Variants in ABCC3 observed in about 807,000 individuals in gnomAD.
ABCC3 encodes ATP-binding cassette sub-family C member 3.
Under a neutral mutation model 165.3 loss-of-function variants are expected in ABCC3, and 121 were observed. That is an observed-to-expected ratio of 0.73 (90% confidence interval 0.63 to 0.85). ABCC3 has a LOEUF of 0.85. Among genes scored for constraint, ABCC3 ranks in the 40% least tolerant of loss-of-function variants. ABCC3 has a pLI of 0.00. For missense variants in ABCC3, 1,869 were observed against 1,964.1 expected (o/e 0.95, Z 0.92); for synonymous variants, 733 against 810.1 (o/e 0.90, Z 1.62).
At chr17:50,672,904 A>G (rs1409376045) in intron 17 of ABCC3, 67 bp from the exon 18 acceptor site, 1 of 1,448,806 alleles carries the variant, frequency 6.9e-7, no homozygotes, top group Non-Finnish European at 9.4e-7. Flanking sequence ...CCCAAATAAC[A>G]GTGGACAGGC....
rs1381689740 is a variant in ABCC3, at chr17:50,656,378, A to G, written c.223-324A>G. On this transcript the variant is annotated intron_variant, in intron 2 of 30. Coordinates refer to ENST00000285238, the MANE Select transcript of ABCC3 (RefSeq NM_003786.4). The stretch of plus-strand genomic sequence containing the variant: ...GCATGAGCCACTGTGCCCAGCCAGC[A>G]TTCTGGTTTTAATGAGGCCCTCTCC... 4.6e-5 allele frequency among the ~76,000 whole-genome samples: 7 copies of G among 152,328 alleles called. No individual in the cohort carries two copies. The South Asian group carries it at 1.4e-3, about 32-fold the overall frequency.
Position 50,673,077 on chromosome 17 carries a change from C to G in ABCC3, c.2348C>G (p.Ser783Cys). 6.2e-7 allele frequency: 1 copy of G among 1,614,134 alleles called. No homozygotes were observed. Among genetic ancestry groups the G allele is most frequent in the Non-Finnish European group, 8.5e-7 (1 of 1,180,026 alleles). Residue 783 changes from serine (S) to cysteine (C), a missense_variant, in exon 18 of 31, where the codon TCT (serine) becomes TGT (cysteine). Coordinates refer to ENST00000285238, the MANE Select transcript of ABCC3 (RefSeq NM_003786.4). ...LLDDPLSAVD[S>C]HVAKHIFDHV... Reference sequence around the variant, plus strand: ...GATGACCCACTGTCCGCGGTGGACTCTCATGTGGCCAAGCACATCTTTGAC... The same window carrying G: ...GATGACCCACTGTCCGCGGTGGACTGTCATGTGGCCAAGCACATCTTTGAC...
chr17:50,635,151 C>T (rs1489347438), intron 1 of ABCC3, 170 bp downstream of exon 1: 4 of 686,770 alleles, frequency 5.8e-6, no homozygotes, highest in Middle Eastern at 4.4e-4. Context: ...GTTGGCTGCG[C>T]CGCCCGGAGC....
In ABCC3 at chr17:50,669,129, C is replaced by G; in HGVS notation, c.1938-11C>G. 1 of 1,595,672 alleles carries G rather than the reference C, an allele frequency of 6.3e-7. No individual in the cohort carries two copies. The highest frequency in any genetic ancestry group is 8.5e-7 in the Non-Finnish European group (1 of 1,172,852). On this transcript the variant is annotated splice_polypyrimidine_tract_variant and intron_variant, in intron 15 of 30. Transcript: ENST00000285238. ...TGCCTCTAACTGGACTCCTGGGGTC[C>G]TTGCCCCCAGCCTAGACATCCAGGT...
chr17:50,644,943 G>A (rs1439815866), intron 1 of ABCC3, among the ~76,000 whole-genome samples: 4 of 151,302 alleles, frequency 2.6e-5, no homozygotes, highest in African/African-American at 9.7e-5. Context: ...GCGTGAACCC[G>A]GGAGGCGGAG....
intron 17 of ABCC3, among the ~76,000 whole-genome samples, chr17:50,671,243 G>A (rs1489972868): frequency 6.7e-6 from 1 of 148,480 alleles, no homozygotes; most frequent in East Asian, 2.0e-4. Flanking sequence ...CTGGGCGACA[G>A]AGCAAGACTC....
rs190818440 is a variant in ABCC3 at position 50,644,180 on chromosome 17, G to A, written c.45+9199G>A. On this transcript the variant is annotated intron_variant, in intron 1 of 30. Coordinates refer to ENST00000285238, the MANE Select transcript of ABCC3 (RefSeq NM_003786.4). ...ACAAAAATTAGCTGGGCGTGGTGGC[G>A]GGCATCTGTAATCCCAGCTACTCAG... Among the ~76,000 whole-genome samples, 43 of 151,662 alleles carry A rather than the reference G, an allele frequency of 2.8e-4. No homozygotes were observed. The East Asian group carries it at 7.0e-3, about 25-fold the overall frequency.
chr17:50,676,880 T>A (rs875238), intron 23 of ABCC3, among the ~76,000 whole-genome samples: 1 of 42,200 alleles, frequency 2.4e-5, no homozygotes, highest in African/African-American at 9.4e-5. Flanking sequence ...GTTGGCTTTT[T>A]TTTTTTGGGG....
At chr17:50,644,611 C>T (rs1370727387) in intron 1 of ABCC3, among the ~76,000 whole-genome samples, 1 of 152,132 alleles carries the variant, frequency 6.6e-6, no homozygotes. Flanking sequence ...ACTTGGGAGG[C>T]TGAGACAGGA....
chr17:50,690,699 A>G (rs962282744), intron 30 of ABCC3, among the ~76,000 whole-genome samples: 11 of 152,194 alleles, frequency 7.2e-5, no homozygotes, highest in Non-Finnish European at 1.6e-4. Flanking sequence ...GCCTCGCTGC[A>G]GCTGGTTTCC....
intron 11 of ABCC3, among the ~76,000 whole-genome samples, chr17:50,666,489 C>G (rs965430356): frequency 3.9e-5 from 6 of 152,166 alleles, no homozygotes; most frequent in Non-Finnish European, 8.8e-5. Context: ...AAAGTCACTT[C>G]CTCCAGAAGT....
At chr17:50,691,035 C>T (rs758266332) in intron 30 of ABCC3, 57 bp from the exon 31 acceptor site, 18 of 1,383,728 alleles carry the variant, frequency 1.3e-5, no homozygotes, top group South Asian at 2.3e-5. Context: ...CAGGATTAGA[C>T]GATGTGACCA....
chr17:50,668,667 C>G (rs1967577704), intron 14 of ABCC3, 150 bp downstream of exon 14: 1 of 778,862 alleles, frequency 1.3e-6, no homozygotes, highest in Non-Finnish European at 2.1e-6. Context: ...CTTCCGGGTT[C>G]TCTGCTCTCC....
intron 1 of ABCC3, among the ~76,000 whole-genome samples, chr17:50,651,631 G>A (rs556383692): frequency 1.3e-5 from 2 of 152,250 alleles, no homozygotes; most frequent in South Asian, 2.1e-4. Context: ...GGGCTGAGGC[G>A]GGAGGATTGC....
intron 7 of ABCC3, 32 bp from the exon 8 acceptor site, chr17:50,660,891 C>T: frequency 6.4e-7 from 1 of 1,557,556 alleles, no homozygotes; most frequent in Non-Finnish European, 8.7e-7. Context: ...TGTCCCCATT[C>T]CTAACCCACT....
intron 30 of ABCC3, among the ~76,000 whole-genome samples, chr17:50,690,828 G>C (rs1229291209): frequency 6.6e-6 from 1 of 152,246 alleles, no homozygotes; most frequent in African/African-American, 2.4e-5. Context: ...AAGGGGAAGG[G>C]CTCATTAGGG....
chr17:50,665,626 G>C (rs570451497), intron 11 of ABCC3, among the ~76,000 whole-genome samples: 1 of 146,998 alleles, frequency 6.8e-6, no homozygotes, highest in South Asian at 2.2e-4. Flanking sequence ...TTTTTTTTGA[G>C]ACAGGGTCTC....
intron 19 of ABCC3, chr17:50,674,133 C>G (rs796232869): frequency 2.0e-5 from 3 of 150,466 alleles, no homozygotes; most frequent in African/African-American, 7.4e-5. Flanking sequence ...GTGGTACAAT[C>G]TCAGCTCACT....
chr17:50,674,028 C>CTT, intron 19 of ABCC3, among the ~76,000 whole-genome samples: 2 of 30,328 alleles, frequency 6.6e-5, no homozygotes, highest in African/African-American at 2.6e-4. Flanking sequence ...CTCTCTCTCT[C>CTT]TCTCTCTCTT....
Sources: gnomAD v4.1 joint callset for allele counts (sites outside exome capture counted in the v4.1 genomes callset) on GRCh38, gnomAD v4.1.1 for gene constraint, MANE v1.5 for transcripts, NCBI Gene and HGNC (gene_info 2026-07-23, HGNC 2026-07-21) for gene names.